RFX2: variants seen among roughly 807,000 people sequenced by gnomAD.
The protein encoded by RFX2 is regulatory factor X2, also known as DNA-binding protein RFX2.
RFX2 carries 20 observed loss-of-function variants against 87.8 expected under a neutral mutation model. The observed-to-expected ratio is 0.23, with a 90% CI of 0.16 to 0.33. The LOEUF (loss-of-function observed/expected upper bound fraction) is 0.33. Ranked by LOEUF, RFX2 falls within the 10% of genes least tolerant of loss-of-function variation. RFX2 has a pLI of 1.00. For missense variants in RFX2, 767 were observed against 1,012.3 expected, an observed-to-expected ratio of 0.76 and a Z score of 3.29; for synonymous variants, 397 against 431.3, an observed-to-expected ratio of 0.92 and a Z score of 0.98.
intron 1 of RFX2, among the ~76,000 whole-genome samples, chr19:6,054,711 C>G (rs1433229628): frequency 6.6e-6 from 1 of 152,030 alleles, no homozygotes; most frequent in Non-Finnish European, 1.5e-5. Context: ...CTACCTCACA[C>G]CATACATAAA....
At chr19:6,057,489 C>A (rs1311211783) in intron 1 of RFX2, among the ~76,000 whole-genome samples, 1 of 152,220 alleles carries the variant, frequency 6.6e-6, no homozygotes, top group African/African-American at 2.4e-5. Context: ...CCAAATGGAG[C>A]TGTCACCTGC....
At chr19:6,082,827 C>T (rs920900145) in intron 1 of RFX2, among the ~76,000 whole-genome samples, 3 of 152,100 alleles carry the variant, frequency 2.0e-5, no homozygotes, top group Non-Finnish European at 2.9e-5. Context: ...TGAGTGTGGC[C>T]GCTGCACTCA....
intron 1 of RFX2, among the ~76,000 whole-genome samples, chr19:6,052,565 A>G (rs1336698390): frequency 1.3e-5 from 2 of 152,220 alleles, no homozygotes; most frequent in East Asian, 1.9e-4. Flanking sequence ...TGACATTTAG[A>G]GAACACTACA....
At chr19:6,060,993 T>TC (rs1306479128) in intron 1 of RFX2, among the ~76,000 whole-genome samples, 2 of 151,838 alleles carry the variant, frequency 1.3e-5, no homozygotes. Context: ...AGGGAAACTC[T>TC]CCCCCCGCCA....
intron 1 of RFX2, among the ~76,000 whole-genome samples, chr19:6,058,599 GT>G (rs112549511): frequency 0.08 from 11,698 of 146,544 alleles, 1,224 homozygotes; most frequent in African/African-American, 0.24. Flanking sequence ...TCACTTTTGG[GT>G]TTTTTTTTTT....
intron 12 of RFX2, among the ~76,000 whole-genome samples, chr19:6,005,572 G>C (rs1028843453): frequency 1.1e-4 from 16 of 152,314 alleles, no homozygotes; most frequent in South Asian, 4.1e-4. Context: ...CCAAGGGCAC[G>C]AGTGATCTCT....
rs995445737 is a variant in RFX2, at chr19:5,997,504, T to C, written c.1860-291A>G. 7.5e-5 allele frequency: 27 copies of C among 360,514 alleles called. No individual in the cohort carries two copies. Among genetic ancestry groups the C allele is most frequent in the African/African-American group, 5.6e-4 (27 of 47,802 alleles). The allele number at this position is 360,514 out of a possible 1,614,324, so 22.3% of individuals were successfully genotyped here. ...AAAGCGACAGGCTGCGGGAAACAAC[T>C]GTGGCTGGTGCTAGCGCAGGCGCTA... On this transcript the variant is annotated intron_variant, in intron 15 of 17. Transcript: ENST00000303657. This position sits in a 1 kb window ranked among gnomAD's most constrained non-coding sequence, Gnocchi z 4.2.
At chr19:5,996,992 C>G (rs1350465968) in intron 16 of RFX2, 68 bp downstream of exon 16, 12 of 1,513,384 alleles carry the variant, frequency 7.9e-6, no homozygotes, top group Non-Finnish European at 6.2e-6. Context: ...CTGGGCTGCT[C>G]AGAGCACACC....
chr19:6,055,751 C>T (rs182111908), intron 1 of RFX2, among the ~76,000 whole-genome samples: 14 of 151,746 alleles, frequency 9.2e-5, no homozygotes, highest in South Asian at 4.2e-4. Flanking sequence ...GGAGAGTGGA[C>T]GAGAAATTGC....
chr19:6,076,771 A>G (rs1225670751), intron 1 of RFX2, among the ~76,000 whole-genome samples: 1 of 152,190 alleles, frequency 6.6e-6, no homozygotes, highest in Non-Finnish European at 1.5e-5. Flanking sequence ...GCTGTTTGCT[A>G]TTTGTGATTT....
chr19:6,063,176 C>T lies in RFX2; in HGVS notation c.-8-15672G>A, dbSNP rs571654690. On this transcript the variant is annotated intron_variant, in intron 1 of 17. Coordinates refer to ENST00000303657, the MANE Select transcript of RFX2 (RefSeq NM_000635.4). The surrounding 1 kb of genome is among the most constrained non-coding windows in gnomAD (Gnocchi z 4.0). ...CTGCTCTGTGGGGAAAGCCGGGCTT[C>T]CTCTGATTCCGGATGGAGTGTTTAA... is the stretch of plus-strand genomic sequence containing the variant. 3.9e-5 allele frequency among the ~76,000 whole-genome samples: 6 copies of T among 152,290 alleles called. No individual in the cohort carries two copies. The highest frequency in any genetic ancestry group is 3.9e-4 in the East Asian group (2 of 5,180).
intron 12 of RFX2, among the ~76,000 whole-genome samples, chr19:6,006,232 C>G (rs1254748798): frequency 6.6e-6 from 1 of 152,116 alleles, no homozygotes; most frequent in Non-Finnish European, 1.5e-5. Context: ...GCGATCATAG[C>G]TTACTGCAGC....
At chr19:6,019,585 G>GATATATATATAT (rs141504032) in intron 6 of RFX2, among the ~76,000 whole-genome samples, 57 of 129,464 alleles carry the variant, frequency 4.4e-4, no homozygotes, top group African/African-American at 1.6e-3. Context: ...TAGAGACAGG[G>GATATATATATAT]ATATATATAT....
chr19:6,051,178 A>G (rs964548083), intron 1 of RFX2, among the ~76,000 whole-genome samples: 5 of 152,238 alleles, frequency 3.3e-5, no homozygotes, highest in Admixed American at 3.3e-4. Context: ...CCAGATGGTA[A>G]ATTTGGATCT....
chr19:6,093,186 G>A (rs2087968031), intron 1 of RFX2, among the ~76,000 whole-genome samples: 1 of 152,140 alleles, frequency 6.6e-6, no homozygotes, highest in Non-Finnish European at 1.5e-5. Context: ...TTTGGACACG[G>A]GTGCTTACTG....
At chr19:6,066,073 C>G (rs1353920238) in intron 1 of RFX2, among the ~76,000 whole-genome samples, 3 of 152,162 alleles carry the variant, frequency 2.0e-5, no homozygotes, top group Non-Finnish European at 4.4e-5. Flanking sequence ...ACCTAAGCAA[C>G]AAACCCTTGT....
At chr19:6,058,021 A>G (rs545124821) in intron 1 of RFX2, among the ~76,000 whole-genome samples, 1 of 152,302 alleles carries the variant, frequency 6.6e-6, no homozygotes, top group East Asian at 1.9e-4. Context: ...ACCCTCCTTG[A>G]TGGTGGAACC....
At chr19:6,099,398 A>G (rs2088080580) in intron 1 of RFX2, among the ~76,000 whole-genome samples, 1 of 152,206 alleles carries the variant, frequency 6.6e-6, no homozygotes. Flanking sequence ...TTTGATTAAA[A>G]TTTCTTTTGA....
chr19:6,049,438 G>A (rs2144783754), intron 1 of RFX2, among the ~76,000 whole-genome samples: 1 of 152,356 alleles, frequency 6.6e-6, no homozygotes, highest in East Asian at 1.9e-4. Context: ...TGGCGAGACC[G>A]TGGTCTGTCC....
Sources: allele counts gnomAD v4.1 joint callset (sites outside exome capture counted in the v4.1 genomes callset), GRCh38; gene constraint gnomAD v4.1.1; non-coding constraint Gnocchi (gnomAD v3.1); transcripts MANE v1.5; gene names NCBI Gene and HGNC (gene_info 2026-07-23, HGNC 2026-07-21).